GPATCH2L: variants seen among roughly 807,000 people sequenced by gnomAD.
GPATCH2L encodes G patch domain-containing protein 2-like.
In GPATCH2L, 31 loss-of-function variants were observed where a neutral mutation model predicts 57.4. The observed-to-expected ratio is 0.54, with a 90% CI of 0.41 to 0.73. GPATCH2L has a LOEUF of 0.73. Among genes scored for constraint, GPATCH2L ranks in the 30% least tolerant of loss-of-function variants. The pLI is 0.00. For missense variants in GPATCH2L, 481 were observed against 599.9 expected (o/e 0.80, Z 2.07); for synonymous variants, 199 against 210.7 (o/e 0.94, Z 0.48).
chr14:76,152,818 GT>G (rs1335086310), intron 1 of GPATCH2L: 1 of 453,868 alleles, frequency 2.2e-6, no homozygotes, highest in Admixed American at 2.4e-5. Context: ...TGTTGCCTGA[GT>G]TTTTAAAGCA....
chr14:76,155,269 C>T (rs2038253014), intron 2 of GPATCH2L, among the ~76,000 whole-genome samples: 1 of 152,124 alleles, frequency 6.6e-6, no homozygotes, highest in African/African-American at 2.4e-5. Context: ...AAACGCGTAC[C>T]TCAAATGCAA....
Position 76,202,453 on chromosome 14 carries a change from C to CA in GPATCH2L, c.*603dup, listed in dbSNP as rs1473096721. ...TTTTTGCAGATTGTCTGCAGAAACT[C>CA]AGACAGCTCATCAGCAGCAGCAGCT... On this transcript the variant is annotated 3_prime_UTR_variant, in exon 10 of 10. Coordinates refer to ENST00000261530, the MANE Select transcript of GPATCH2L (RefSeq NM_017926.4). 1 of 152,658 alleles carries CA rather than the reference C, an allele frequency of 6.6e-6. No individual in the cohort carries two copies. The allele number at this position is 152,658 out of a possible 1,614,324, so 9.5% of individuals were successfully genotyped here. A position where few individuals can be genotyped will look rare whatever the true frequency, so the allele number is the denominator to read the frequency against.
intron 2 of GPATCH2L, among the ~76,000 whole-genome samples, chr14:76,166,041 G>A (rs1440920085): frequency 2.0e-5 from 3 of 152,188 alleles, no homozygotes; most frequent in Non-Finnish European, 4.4e-5. Flanking sequence ...ATGAAACTGG[G>A]CAGAATTTCG....
At chr14:76,195,806 C>A in intron 8 of GPATCH2L, 72 bp from the exon 9 acceptor site, 1 of 1,133,604 alleles carries the variant, frequency 8.8e-7, no homozygotes, top group Non-Finnish European at 1.3e-6. Flanking sequence ...AGGATTTAAT[C>A]TGGGCTACAT....
intron 1 of GPATCH2L, chr14:76,153,566 A>T (rs1383985089): frequency 6.6e-6 from 1 of 152,264 alleles, no homozygotes; most frequent in Non-Finnish European, 1.5e-5. Context: ...GCACTGAAGC[A>T]CATAACTAGG....
At chr14:76,185,558 A>T (rs887236201) in intron 8 of GPATCH2L, among the ~76,000 whole-genome samples, 2 of 152,142 alleles carry the variant, frequency 1.3e-5, no homozygotes, top group African/African-American at 4.8e-5. Context: ...AAAACTTTTC[A>T]TGGCAGTGTT....
chr14:76,191,355 G>A (rs2039957152), intron 8 of GPATCH2L, among the ~76,000 whole-genome samples: 1 of 152,058 alleles, frequency 6.6e-6, no homozygotes, highest in Non-Finnish European at 1.5e-5. Flanking sequence ...TGCAATTGAT[G>A]ATCTGGAATT....
At chr14:76,216,121 C>T (rs12590690), downstream of GPATCH2L, among the ~76,000 whole-genome samples, 12 of 151,504 alleles carry the variant, frequency 7.9e-5, no homozygotes, top group African/African-American at 2.2e-4. Context: ...AAAGTGGGGA[C>T]CCTCCAAGTG....
intron 2 of GPATCH2L, among the ~76,000 whole-genome samples, chr14:76,157,261 G>C (rs1309735307): frequency 6.6e-6 from 1 of 152,210 alleles, no homozygotes; most frequent in Non-Finnish European, 1.5e-5. Context: ...GTGGGGAAAG[G>C]GGGTGATTCT....
chr14:76,173,736 G>A, intron 5 of GPATCH2L, 111 bp downstream of exon 5: 1 of 736,400 alleles, frequency 1.4e-6, no homozygotes, highest in Non-Finnish European at 2.5e-6. Context: ...AGTTAATGGA[G>A]CCAACTGGAA....
At chr14:76,160,508 C>T (rs537224294) in intron 2 of GPATCH2L, among the ~76,000 whole-genome samples, 9 of 152,156 alleles carry the variant, frequency 5.9e-5, no homozygotes, top group Non-Finnish European at 8.8e-5. Context: ...GGGAAGAAAC[C>T]AAAGTGCTGG....
At chr14:76,180,976 T>C (rs1469662791) in intron 8 of GPATCH2L, 127 bp downstream of exon 8, 1 of 649,430 alleles carries the variant, frequency 1.5e-6, no homozygotes, top group South Asian at 1.9e-5. Flanking sequence ...TTGAGGTAAA[T>C]AGATGTTTTA....
intron 8 of GPATCH2L, among the ~76,000 whole-genome samples, chr14:76,184,743 A>G (rs2039703030): frequency 6.6e-6 from 1 of 152,094 alleles, no homozygotes; most frequent in African/African-American, 2.4e-5. Flanking sequence ...GTGGTTTTCA[A>G]CCCTGGCTGC....
chr14:76,181,850 T>C (rs1022829100), intron 8 of GPATCH2L, among the ~76,000 whole-genome samples: 3 of 152,238 alleles, frequency 2.0e-5, no homozygotes, highest in Non-Finnish European at 4.4e-5. Flanking sequence ...GACTCTTTTT[T>C]ATTCCTAATA....
Position 76,213,462 on chromosome 14 carries a change from CAG to C in GPATCH2L, c.*11613_*11614del, listed in dbSNP as rs1380151833. On this transcript the variant is annotated 3_prime_UTR_variant, in exon 10 of 10. Coordinates refer to ENST00000261530, the MANE Select transcript of GPATCH2L (RefSeq NM_017926.4). ...CAAAGAAATGCATTTGGAGAATTAA[CAG>C]AAACTTTTTGTAACACCAATTTTTT... is the stretch of plus-strand genomic sequence containing the variant. 2.6e-5 allele frequency: 4 copies of C among 152,120 alleles called. No individual in the cohort carries two copies. The highest frequency in any genetic ancestry group is 6.5e-5 in the Admixed American group (1 of 15,268). The allele number at this position is 152,120 out of a possible 1,614,324, so 9.4% of individuals were successfully genotyped here.
intron 1 of GPATCH2L, among the ~76,000 whole-genome samples, chr14:76,221,298 C>T (rs2040514049): frequency 6.6e-6 from 1 of 152,052 alleles, no homozygotes; most frequent in Non-Finnish European, 1.5e-5. Context: ...AATGAGATGC[C>T]ATGACATACC....
chr14:76,177,553 A>T (rs2039381273), intron 6 of GPATCH2L, among the ~76,000 whole-genome samples: 1 of 152,016 alleles, frequency 6.6e-6, no homozygotes, highest in African/African-American at 2.4e-5. Flanking sequence ...GAAAATAAAG[A>T]TGTGGGTGTG....
intron 2 of GPATCH2L, among the ~76,000 whole-genome samples, chr14:76,156,904 A>G (rs2038334998): frequency 6.6e-6 from 1 of 152,230 alleles, no homozygotes; most frequent in South Asian, 2.1e-4. Context: ...TCTATTGCAC[A>G]TTCTAGTCAG....
intron 8 of GPATCH2L, among the ~76,000 whole-genome samples, chr14:76,182,105 C>T (rs895548871): frequency 6.6e-6 from 1 of 152,050 alleles, no homozygotes; most frequent in Non-Finnish European, 1.5e-5. Context: ...CGCCTGTAAT[C>T]CCAGCACTTT....
Sources: allele counts gnomAD v4.1 joint callset (sites outside exome capture counted in the v4.1 genomes callset), GRCh38; gene constraint gnomAD v4.1.1; transcripts MANE v1.5; gene names NCBI Gene and HGNC (gene_info 2026-07-23, HGNC 2026-07-21).